Variants in DLG2 observed in about 807,000 individuals in gnomAD.
DLG2 encodes disks large homolog 2.
DLG2 carries 45 observed loss-of-function variants against 132.5 expected under a neutral mutation model. The ratio of observed to expected loss-of-function variants is 0.34; its 90% CI spans 0.27 to 0.44. The LOEUF is 0.44. Ranked by LOEUF, DLG2 falls within the 20% of genes least tolerant of loss-of-function variation. The pLI is 1.00. For missense variants in DLG2, 1,045 were observed against 1,196.9 expected (o/e 0.87, Z 1.87); for synonymous variants, 424 against 419.6 (o/e 1.01, Z -0.13).
chr11:83,569,312 G>A (rs2096759773), intron 19 of DLG2, among the ~76,000 whole-genome samples: 1 of 151,956 alleles, frequency 6.6e-6, no homozygotes, highest in Admixed American at 6.6e-5. Context: ...TGACAATTAT[G>A]TCAGTAAGCT....
rs560380593 is a variant in DLG2 at position 85,224,133 on chromosome 11, A to G, written c.186+61087T>C. On this transcript the variant is annotated intron_variant, in intron 4 of 27. Transcript: ENST00000376104. ...TAAAACATTTAGAATAACATCTGAC[A>G]CATGCACAGTGCTACATCAGTGTCT... 9.2e-5 allele frequency among the ~76,000 whole-genome samples: 14 copies of G among 152,306 alleles called. No homozygotes were observed. In the South Asian group the frequency reaches 2.7e-3, roughly 29 times the overall value.
intron 6 of DLG2, among the ~76,000 whole-genome samples, chr11:85,083,289 A>G (rs1012134190): frequency 6.6e-6 from 1 of 152,126 alleles, no homozygotes; most frequent in African/African-American, 2.4e-5. Context: ...AACCTGTCCT[A>G]TTGGTTTGAG....
At chr11:84,359,517 G>T (rs758216469) in intron 7 of DLG2, among the ~76,000 whole-genome samples, 2 of 151,852 alleles carry the variant, frequency 1.3e-5, no homozygotes, top group African/African-American at 4.8e-5. Context: ...ATTGTCTAGG[G>T]TGTCTGGAAT....
chr11:85,455,016 G>T (rs1451556354), intron 3 of DLG2, among the ~76,000 whole-genome samples: 2 of 151,942 alleles, frequency 1.3e-5, no homozygotes, highest in Non-Finnish European at 2.9e-5. Context: ...TTCTTTTTTG[G>T]CTCTACATAA....
chr11:84,620,466 G>A (rs1179237305), intron 6 of DLG2, among the ~76,000 whole-genome samples: 2 of 151,736 alleles, frequency 1.3e-5, no homozygotes, highest in Admixed American at 6.6e-5. Flanking sequence ...CTACAAAGTG[G>A]GAGAAGACAT....
intron 3 of DLG2, among the ~76,000 whole-genome samples, chr11:85,358,153 C>A (rs1187981974): frequency 6.6e-6 from 1 of 151,948 alleles, no homozygotes; most frequent in East Asian, 1.9e-4. Flanking sequence ...AACCATGGCA[C>A]CTGACTGTAA....
chr11:83,762,026 T>C (rs1013208152), intron 18 of DLG2, among the ~76,000 whole-genome samples: 9 of 152,300 alleles, frequency 5.9e-5, no homozygotes, highest in African/African-American at 1.7e-4. Flanking sequence ...TCAAAGTCCA[T>C]GATCTAACTC....
chr11:84,474,100 G>T (rs2099115512), intron 7 of DLG2, among the ~76,000 whole-genome samples: 1 of 151,870 alleles, frequency 6.6e-6, no homozygotes, highest in Non-Finnish European at 1.5e-5. Context: ...ATACTTATTT[G>T]TTTCTCTCAA....
intron 21 of DLG2, among the ~76,000 whole-genome samples, chr11:83,510,626 G>T (rs1262015800): frequency 6.6e-6 from 1 of 152,070 alleles, no homozygotes; most frequent in Non-Finnish European, 1.5e-5. Context: ...AGGGTGGGAT[G>T]AGAACACAGG....
At chr11:83,600,533 G>T (rs2058374106) in intron 19 of DLG2, among the ~76,000 whole-genome samples, 2 of 152,144 alleles carry the variant, frequency 1.3e-5, no homozygotes, top group African/African-American at 4.8e-5. Context: ...TACAGTCAAG[G>T]CAGACAGGAA....
At chr11:84,043,319 T>C (rs1215044633) in intron 11 of DLG2, among the ~76,000 whole-genome samples, 3 of 151,812 alleles carry the variant, frequency 2.0e-5, no homozygotes, top group Non-Finnish European at 4.4e-5. Flanking sequence ...TCTAAAATGA[T>C]ACAAATAACA....
chr11:84,080,953 T>C (rs932221315), intron 10 of DLG2, among the ~76,000 whole-genome samples: 1 of 149,760 alleles, frequency 6.7e-6, no homozygotes, highest in Non-Finnish European at 1.5e-5. Flanking sequence ...GATCGCACCA[T>C]TGCACTCCAA....
chr11:83,549,432 G>T (rs1438763840), intron 19 of DLG2, among the ~76,000 whole-genome samples: 1 of 152,100 alleles, frequency 6.6e-6, no homozygotes, highest in African/African-American at 2.4e-5. Context: ...TATTTGCAGA[G>T]ATTCAATGAG....
chr11:84,961,794 A>G (rs1038276611), intron 6 of DLG2, among the ~76,000 whole-genome samples: 1 of 152,218 alleles, frequency 6.6e-6, no homozygotes, highest in African/African-American at 2.4e-5. Flanking sequence ...TGAATGCATA[A>G]GTATAATGAC....
At chr11:85,516,375 C>T (rs1293836482) in intron 3 of DLG2, among the ~76,000 whole-genome samples, 2 of 151,932 alleles carry the variant, frequency 1.3e-5, no homozygotes, top group Non-Finnish European at 2.9e-5. Context: ...CCTAACATTG[C>T]ACCTCAAGGA....
At chr11:83,577,812 TA>T (rs1220886493) in intron 19 of DLG2, among the ~76,000 whole-genome samples, 3 of 126,962 alleles carry the variant, frequency 2.4e-5, no homozygotes, top group Non-Finnish European at 4.7e-5. Flanking sequence ...ATTTTATATA[TA>T]AATACAAAAT....
chr11:85,524,245 A>C (rs2074559836), intron 3 of DLG2, among the ~76,000 whole-genome samples: 1 of 152,176 alleles, frequency 6.6e-6, no homozygotes, highest in Non-Finnish European at 1.5e-5. Flanking sequence ...AAAGAGTATA[A>C]CTGGATTATT....
intron 18 of DLG2, among the ~76,000 whole-genome samples, chr11:83,654,900 A>G (rs10466716): frequency 0.09 from 13,676 of 152,248 alleles, 1,334 homozygotes; most frequent in African/African-American, 0.25. Context: ...GGGGGCATGG[A>G]TAAGATGTCT....
At chr11:84,921,680 C>A (rs942508887) in intron 6 of DLG2, among the ~76,000 whole-genome samples, 13 of 152,166 alleles carry the variant, frequency 8.5e-5, no homozygotes, top group Middle Eastern at 3.4e-3. Context: ...GGAGCTTCCG[C>A]TGAATAAAGT....
Sources: allele counts gnomAD v4.1 joint callset (sites outside exome capture counted in the v4.1 genomes callset), GRCh38; gene constraint gnomAD v4.1.1; transcripts MANE v1.5; gene names NCBI Gene and HGNC (gene_info 2026-07-23, HGNC 2026-07-21).